The following PHAF1 variants were observed in gnomAD, a reference collection of about 807,000 sequenced individuals.
PHAF1 encodes the protein phagophore assembly factor 1.
A neutral mutation model predicts 63.1 loss-of-function variants in PHAF1; 23 were observed. That is an observed-to-expected ratio of 0.36 (90% CI 0.26 to 0.52). The LOEUF is 0.52. Among genes scored for constraint, PHAF1 ranks in the 20% least tolerant of loss-of-function variants. The probability of loss-of-function intolerance (pLI) is 0.93; values close to 1 mark genes in which losing one functional copy is unlikely to be tolerated. For synonymous variants in PHAF1, 167 were observed against 185.0 expected, an observed-to-expected ratio of 0.90 and a Z score of 0.79; for missense variants, 427 against 517.2, an observed-to-expected ratio of 0.83 and a Z score of 1.69.
intron 3 of PHAF1, among the ~76,000 whole-genome samples, chr16:67,127,157 C>T (rs992912216): frequency 3.9e-5 from 6 of 152,232 alleles, no homozygotes; most frequent in Middle Eastern, 3.4e-3. Context: ...CATGAGCCAC[C>T]GCACCCAGTT....
chr16:67,145,515 TCA>T, intron 13 of PHAF1, 53 bp from the exon 14 acceptor site: 1 of 1,612,206 alleles, frequency 6.2e-7, no homozygotes, highest in Non-Finnish European at 8.5e-7. Flanking sequence ...CAGCCATTGG[TCA>T]CAGACATGTT....
chr16:67,147,225 C>A lies in PHAF1; in HGVS notation c.*94C>A. 1.6e-6 allele frequency: 2 copies of A among 1,237,500 alleles called. No homozygotes were observed. The highest frequency in any genetic ancestry group is 1.2e-6 in the Non-Finnish European group (1 of 851,876). 76.7% of individuals were successfully genotyped at this position (1,237,500 alleles called of 1,614,324 possible). On this transcript the variant is annotated 3_prime_UTR_variant, in exon 16 of 16. Transcript: ENST00000219139. ...ACCACCCTGTGGGTTTTCTTGGACA[C>A]CTGGCCAGTGCTGAAGGGCTGTTGT...
intron 11 of PHAF1, 145 bp from the exon 12 acceptor site, chr16:67,144,689 C>T: frequency 3.3e-6 from 3 of 922,852 alleles, no homozygotes; most frequent in Non-Finnish European, 5.1e-6. Flanking sequence ...AATCTGGCCT[C>T]CCCCAGTGAA....
chr16:67,136,587 T>C (rs1963619631), intron 8 of PHAF1, among the ~76,000 whole-genome samples: 1 of 146,860 alleles, frequency 6.8e-6, no homozygotes, highest in Non-Finnish European at 1.5e-5. Context: ...TTTTTGCTTC[T>C]TTTTTCTTTC....
At position 67,140,123 on chromosome 16, in the gene PHAF1, G is replaced by A; in HGVS notation, c.795+6G>A. 7 of 1,613,278 alleles carry A rather than the reference G, an allele frequency of 4.3e-6. No individual in the cohort carries two copies. Among genetic ancestry groups the A allele is most frequent in the Non-Finnish European group, 5.1e-6 (6 of 1,179,714 alleles). ...TCTATAAATCAGAAGACAAGGTAGG[G>A]GAATTATGTTGCAGTCTCCTCCTTT... On this transcript the variant is annotated splice_donor_region_variant and intron_variant, in intron 9 of 15. Coordinates refer to ENST00000219139, the MANE Select transcript of PHAF1 (RefSeq NM_025187.5).
chr16:67,114,365 G>A (rs1014023133), intron 1 of PHAF1, among the ~76,000 whole-genome samples: 2 of 151,558 alleles, frequency 1.3e-5, no homozygotes, highest in African/African-American at 2.4e-5. Flanking sequence ...TAAAAAAAAA[G>A]AAATGATCTT....
intron 1 of PHAF1, among the ~76,000 whole-genome samples, chr16:67,114,263 A>AG (rs1962649499): frequency 3.9e-5 from 6 of 151,944 alleles, no homozygotes; most frequent in Admixed American, 3.9e-4. Flanking sequence ...GGCTGAGGTG[A>AG]GGGGATCACT....
At chr16:67,117,456 C>T (rs1319969749) in intron 1 of PHAF1, among the ~76,000 whole-genome samples, 2 of 151,468 alleles carry the variant, frequency 1.3e-5, no homozygotes, top group African/African-American at 4.9e-5. Flanking sequence ...TTATAATGGG[C>T]CATGAGTTAA....
intron 14 of PHAF1, among the ~76,000 whole-genome samples, 200 bp downstream of exon 14, chr16:67,145,828 C>A (rs1192680542): frequency 1.3e-5 from 2 of 152,190 alleles, no homozygotes; most frequent in African/African-American, 4.8e-5. Flanking sequence ...GAGAATGTCC[C>A]CAGGGGTAGC....
rs187185848 is a variant in PHAF1 at position 67,132,697 on chromosome 16, A to C, written c.356-120A>C. 176 of 1,191,912 alleles carry C rather than the reference A, an allele frequency of 1.5e-4. No homozygotes were observed. The African/African-American group carries it at 1.8e-3, about 12-fold the overall frequency. 73.8% of individuals were successfully genotyped at this position (1,191,912 alleles called of 1,614,324 possible). A position where few individuals can be genotyped will look rare whatever the true frequency, so the allele number is the denominator to read the frequency against. ...CCCCTTGTTTTCAACCTAGTAGGCCAGTTTAGAAACAAGCCACAGGGAAGG... is the reference window on the plus strand; with the variant it reads ...CCCCTTGTTTTCAACCTAGTAGGCCCGTTTAGAAACAAGCCACAGGGAAGG... On this transcript the variant is annotated intron_variant, in intron 5 of 15. Transcript: ENST00000219139.
At chr16:67,111,312 A>G (rs1224214368) in intron 1 of PHAF1, among the ~76,000 whole-genome samples, 1 of 152,110 alleles carries the variant, frequency 6.6e-6, no homozygotes, top group African/African-American at 2.4e-5. Context: ...CAGCATCACT[A>G]CTTTTATGTG....
intron 4 of PHAF1, 76 bp from the exon 5 acceptor site, chr16:67,132,370 C>T: frequency 7.8e-7 from 1 of 1,279,394 alleles, no homozygotes; most frequent in South Asian, 1.4e-5. Flanking sequence ...AAAAATAACT[C>T]TCCCAGCTAC....
chr16:67,129,347 A>G (rs1963305228), intron 3 of PHAF1, among the ~76,000 whole-genome samples: 1 of 152,246 alleles, frequency 6.6e-6, no homozygotes, highest in South Asian at 2.1e-4. Context: ...AGAATACACA[A>G]GTATGGAGGA....
intron 3 of PHAF1, among the ~76,000 whole-genome samples, chr16:67,130,204 G>C (rs183780135): frequency 9.9e-5 from 15 of 151,988 alleles, no homozygotes; most frequent in Non-Finnish European, 1.8e-4. Context: ...CCACCACCAC[G>C]CCTGGCTAAT....
intron 1 of PHAF1, among the ~76,000 whole-genome samples, chr16:67,110,871 C>T (rs1227199310): frequency 6.6e-6 from 1 of 152,052 alleles, no homozygotes; most frequent in Non-Finnish European, 1.5e-5. Flanking sequence ...AGTGCTGTTG[C>T]GTGATCTTGG....
chr16:67,118,766 CTT>C lies in PHAF1; in HGVS notation c.65-1321_65-1320del, dbSNP rs910658530. On this transcript the variant is annotated intron_variant, in intron 1 of 15. Coordinates refer to ENST00000219139, the MANE Select transcript of PHAF1 (RefSeq NM_025187.5). Reference sequence around the variant, plus strand: ...ATTCTGGTGGATGAGTGATCTTAAACTTTTTTTTTTTTTTTTTTTTTTTTTTG... The same window carrying C: ...ATTCTGGTGGATGAGTGATCTTAAACTTTTTTTTTTTTTTTTTTTTTTTTG... Among the ~76,000 whole-genome samples, 405 of 99,984 alleles carry C rather than the reference CTT, an allele frequency of 4.1e-3. 2 individuals are homozygous for C. The highest frequency in any genetic ancestry group is 0.019 in the African/African-American group (388 of 20,614). 65.6% of individuals were successfully genotyped at this position (99,984 alleles called of 152,430 possible).
In PHAF1 at chr16:67,109,949, G is replaced by T. The variant is rs1220558194; in HGVS notation, c.-227G>T. The T allele has an allele frequency of 5.8e-6, 3 of 515,994 alleles. No homozygotes were observed. Among genetic ancestry groups the T allele is most frequent in the Admixed American group, 3.8e-5 (1 of 26,216 alleles). The allele number at this position is 515,994 out of a possible 1,614,324, so 32.0% of individuals were successfully genotyped here. ...GGCACGCCACTTTTACTGCAGTCGCGCCCGCCGCCGTCGTTGCCCCCGCTG... is the reference window on the plus strand; with the variant it reads ...GGCACGCCACTTTTACTGCAGTCGCTCCCGCCGCCGTCGTTGCCCCCGCTG... On this transcript the variant is annotated 5_prime_UTR_variant, in exon 1 of 16. Coordinates refer to ENST00000219139, the MANE Select transcript of PHAF1 (RefSeq NM_025187.5).
chr16:67,132,640 G>A (rs1963448759), intron 5 of PHAF1, 115 bp downstream of exon 5: 1 of 1,313,822 alleles, frequency 7.6e-7, no homozygotes, highest in Non-Finnish European at 1.1e-6. Flanking sequence ...AGGATTGTGG[G>A]GTTGGTACTT....
In PHAF1 at chr16:67,147,222, A is replaced by C. The variant is rs965716081; in HGVS notation, c.*91A>C. On this transcript the variant is annotated 3_prime_UTR_variant, in exon 16 of 16. Coordinates refer to ENST00000219139, the MANE Select transcript of PHAF1 (RefSeq NM_025187.5). ...TGTACCACCCTGTGGGTTTTCTTGG[A>C]CACCTGGCCAGTGCTGAAGGGCTGT... is the stretch of plus-strand genomic sequence containing the variant. 9 of 1,274,264 alleles carry C rather than the reference A, an allele frequency of 7.1e-6. No individual in the cohort carries two copies. In the African/African-American group the frequency reaches 1.2e-4, roughly 17 times the overall value. 78.9% of individuals were successfully genotyped at this position (1,274,264 alleles called of 1,614,324 possible). A position where few individuals can be genotyped will look rare whatever the true frequency, so the allele number is the denominator to read the frequency against.
Sources: allele counts gnomAD v4.1 joint callset (sites outside exome capture counted in the v4.1 genomes callset), GRCh38; gene constraint gnomAD v4.1.1; transcripts MANE v1.5; gene names NCBI Gene and HGNC (gene_info 2026-07-23, HGNC 2026-07-21).